XRCC5: variants seen among roughly 807,000 people sequenced by gnomAD.
XRCC5 encodes DNA repair protein Ku80.
XRCC5 carries 12 observed loss-of-function variants against 95.7 expected under a neutral mutation model. The ratio of observed to expected loss-of-function variants is 0.13; its 90% CI spans 0.08 to 0.20. XRCC5 has a LOEUF of 0.20. Ranked by LOEUF, XRCC5 falls within the 10% of genes least tolerant of loss-of-function variation. The pLI is 1.00. For missense variants in XRCC5, 595 were observed against 873.9 expected (o/e 0.68, Z 4.02); for synonymous variants, 281 against 290.3 (o/e 0.97, Z 0.33).
intron 10 of XRCC5, among the ~76,000 whole-genome samples, chr2:216,136,367 A>AAGAAAG (rs564652267): frequency 4.9e-5 from 7 of 143,236 alleles, no homozygotes; most frequent in Non-Finnish European, 9.1e-5. Flanking sequence ...AAAAAAAAAA[A>AAGAAAG]AAAAGAAATA....
intron 14 of XRCC5, among the ~76,000 whole-genome samples, chr2:216,158,191 A>G (rs1041006974): frequency 1.3e-5 from 2 of 152,210 alleles, no homozygotes; most frequent in Non-Finnish European, 2.9e-5. Flanking sequence ...CCTTCTTAAT[A>G]CTACTATATA....
At chr2:216,138,598 T>C (rs1697125639) in intron 12 of XRCC5, among the ~76,000 whole-genome samples, 1 of 152,224 alleles carries the variant, frequency 6.6e-6, no homozygotes, top group South Asian at 2.1e-4. Flanking sequence ...CCTGTTTTTG[T>C]AGTTTGCACC....
At chr2:216,117,046 C>T in intron 3 of XRCC5, 1 of 597,632 alleles carries the variant, frequency 1.7e-6, no homozygotes, top group Non-Finnish European at 2.9e-6. Flanking sequence ...CCTCCACTCA[C>T]TTCCCTGTTC....
chr2:216,115,442 T>C (rs2105999825), intron 2 of XRCC5, among the ~76,000 whole-genome samples: 2 of 152,334 alleles, frequency 1.3e-5, no homozygotes, highest in East Asian at 3.8e-4. Context: ...TGGATGCTTG[T>C]CTAGGCGGCA....
chr2:216,144,273 G>T (rs1402073811), intron 13 of XRCC5, among the ~76,000 whole-genome samples: 3 of 152,194 alleles, frequency 2.0e-5, no homozygotes, highest in Non-Finnish European at 2.9e-5. Context: ...GAAGAGCCAG[G>T]ATGTGGATCC....
intron 16 of XRCC5, among the ~76,000 whole-genome samples, chr2:216,187,807 ACACACACACACACACTCTCTCT>A (rs1330728229): frequency 1.6e-4 from 17 of 106,978 alleles, no homozygotes; most frequent in Non-Finnish European, 2.5e-4. Flanking sequence ...ACACACACAC[ACACACACACACACACTCTCTCT>A]CTCTCTCTCT....
intron 16 of XRCC5, among the ~76,000 whole-genome samples, chr2:216,180,558 G>A (rs1234658896): frequency 1.3e-5 from 2 of 152,030 alleles, no homozygotes; most frequent in Non-Finnish European, 2.9e-5. Context: ...CCTGGGAGGC[G>A]GGAGGTTGCA....
chr2:216,204,413 T>C lies in XRCC5; in HGVS notation c.2184+17T>C, dbSNP rs752545372. 5.9e-5 allele frequency: 96 copies of C among 1,613,470 alleles called. No homozygotes were observed. Among genetic ancestry groups the C allele is most frequent in the Non-Finnish European group, 1.4e-5 (17 of 1,179,554 alleles). On this transcript the variant is annotated intron_variant, in intron 20 of 20. Transcript: ENST00000392132. ...GACGATTTAGTAAGTACTTTTAATA[T>C]GCACCTGGTGTTCTATGATTGAAGT...
chr2:216,191,096 A>T lies in XRCC5; in HGVS notation c.1944+762A>T, dbSNP rs1255031389. ...GATTCAATAACAGATTCAGAAGTAG[A>T]TAACCTGAATACTCTTAGATAAAAG... On this transcript the variant is annotated intron_variant, in intron 17 of 20. Transcript: ENST00000392132. Among the ~76,000 whole-genome samples the T allele has an allele frequency of 2.0e-5, 3 of 152,244 alleles. 1 individual carries two copies. The South Asian group carries it at 6.2e-4, about 31-fold the overall frequency.
chr2:216,122,354 C>A, intron 6 of XRCC5, 101 bp downstream of exon 6: 1 of 1,092,078 alleles, frequency 9.2e-7, no homozygotes, highest in East Asian at 2.4e-5. Flanking sequence ...GGGCCACTCT[C>A]TAATTAGTCA....
chr2:216,140,232 G>A (rs79741439), intron 12 of XRCC5, among the ~76,000 whole-genome samples: 1 of 152,304 alleles, frequency 6.6e-6, no homozygotes, highest in East Asian at 1.9e-4. Flanking sequence ...CTTTTATTTT[G>A]TTGTAGCTGT....
chr2:216,170,860 T>G (rs972303862), intron 16 of XRCC5, among the ~76,000 whole-genome samples: 1 of 152,226 alleles, frequency 6.6e-6, no homozygotes, highest in Non-Finnish European at 1.5e-5. Context: ...AATTTGGTTC[T>G]TTCTTTCCAC....
intron 19 of XRCC5, among the ~76,000 whole-genome samples, chr2:216,203,285 G>A (rs2106055829): frequency 6.6e-6 from 1 of 152,222 alleles, no homozygotes; most frequent in African/African-American, 2.4e-5. Flanking sequence ...ACTGTTTCTG[G>A]CCCCCAAAGG....
At chr2:216,162,576 T>G (rs140457053) in intron 16 of XRCC5, among the ~76,000 whole-genome samples, 13 of 152,074 alleles carry the variant, frequency 8.5e-5, no homozygotes, top group African/African-American at 3.1e-4. Context: ...TAATTTTGTT[T>G]AGACGGGGTT....
At chr2:216,142,389 C>A (rs565165173) in intron 13 of XRCC5, among the ~76,000 whole-genome samples, 1 of 151,974 alleles carries the variant, frequency 6.6e-6, no homozygotes, top group Admixed American at 6.6e-5. Context: ...AATTAAAATA[C>A]AGAAAATATA....
rs781584090 is a variant in XRCC5, at chr2:216,138,069, C to A, written c.1252-20C>A. ...ATTAATTTCATCGTTTCTGCTTTTACCCCCTTTCTTTCTCATTAGTGTTTA... is the reference window on the plus strand; with the variant it reads ...ATTAATTTCATCGTTTCTGCTTTTAACCCCTTTCTTTCTCATTAGTGTTTA... On this transcript the variant is annotated intron_variant, in intron 11 of 20. Coordinates refer to ENST00000392132, the MANE Select transcript of XRCC5 (RefSeq NM_021141.4). 1.9e-6 allele frequency: 3 copies of A among 1,567,814 alleles called. No individual in the cohort carries two copies. The African/African-American group carries it at 4.1e-5, about 21-fold the overall frequency.
chr2:216,128,512 A>G (rs1696930967), intron 8 of XRCC5, among the ~76,000 whole-genome samples: 1 of 152,198 alleles, frequency 6.6e-6, no homozygotes, highest in Non-Finnish European at 1.5e-5. Context: ...ATACCCTACA[A>G]TTTCTACCAG....
Position 216,205,593 on chromosome 2 carries a change from G to A in XRCC5, c.*391G>A. On this transcript the variant is annotated 3_prime_UTR_variant, in exon 21 of 21. Transcript: ENST00000392132. ...CATGTGGAACCATGGCATGGTTATTGATGAGTTTCTTAACCCTTTCCAGAG... is the reference window on the plus strand; with the variant it reads ...CATGTGGAACCATGGCATGGTTATTAATGAGTTTCTTAACCCTTTCCAGAG... The A allele has an allele frequency of 5.4e-6, 1 of 185,250 alleles. No individual in the cohort carries two copies. Among genetic ancestry groups the A allele is most frequent in the Non-Finnish European group, 1.1e-5 (1 of 89,226 alleles). 11.5% of individuals were successfully genotyped at this position (185,250 alleles called of 1,614,324 possible). A position where few individuals can be genotyped will look rare whatever the true frequency, so the allele number is the denominator to read the frequency against.
intron 16 of XRCC5, among the ~76,000 whole-genome samples, chr2:216,165,777 C>T (rs62178688): frequency 4.5e-4 from 68 of 152,124 alleles, no homozygotes; most frequent in Non-Finnish European, 7.6e-4. Flanking sequence ...ATTGTTTGAC[C>T]CTTAGGTAGA....
Sources: allele counts gnomAD v4.1 joint callset (sites outside exome capture counted in the v4.1 genomes callset), GRCh38; gene constraint gnomAD v4.1.1; transcripts MANE v1.5; gene names NCBI Gene and HGNC (gene_info 2026-07-23, HGNC 2026-07-21).